Variants in FGF12 observed in about 807,000 individuals in gnomAD.
FGF12 encodes the protein fibroblast growth factor 12B.
Under a neutral mutation model 23.6 loss-of-function variants are expected in FGF12, and 14 were observed. The observed-to-expected ratio is 0.59, with a 90% CI of 0.39 to 0.93. The LOEUF (loss-of-function observed/expected upper bound fraction) is 0.93, where lower values mean the gene tolerates loss of function less well. Ranked by LOEUF, FGF12 falls within the 40% of genes least tolerant of loss-of-function variation. The pLI is 0.00. For synonymous variants in FGF12, 62 were observed against 77.3 expected (o/e 0.80, Z 1.04); for missense variants, 175 against 217.8 (o/e 0.80, Z 1.24).
chr3:192,242,013 C>T (rs1719639857), intron 4 of FGF12, among the ~76,000 whole-genome samples: 1 of 151,986 alleles, frequency 6.6e-6, no homozygotes, highest in East Asian at 1.9e-4. Context: ...ACAGCTGAGG[C>T]AGTGTTCAGA....
chr3:192,660,612 T>C (rs1716628973), intron 2 of FGF12, among the ~76,000 whole-genome samples: 1 of 152,092 alleles, frequency 6.6e-6, no homozygotes, highest in South Asian at 2.1e-4. Flanking sequence ...TACTCTGTTT[T>C]TGGAAAAGTA....
intron 2 of FGF12, among the ~76,000 whole-genome samples, chr3:192,683,244 T>C (rs1237948063): frequency 6.6e-6 from 1 of 152,200 alleles, no homozygotes; most frequent in Non-Finnish European, 1.5e-5. Flanking sequence ...TTGTTGGGGA[T>C]TGCGTCCTTA....
intron 2 of FGF12, among the ~76,000 whole-genome samples, chr3:192,711,411 G>T (rs936747267): frequency 6.6e-6 from 1 of 152,090 alleles, no homozygotes; most frequent in African/African-American, 2.4e-5. Context: ...GAAGTGAGGA[G>T]CCCCTCTGCC....
rs78503416 is a variant in FGF12, at chr3:192,302,114, A to G, written c.228+33247T>C. Among the ~76,000 whole-genome samples, 1,484 of 152,266 alleles carry G rather than the reference A, an allele frequency of 9.7e-3. 14 individuals carry two copies. Among genetic ancestry groups the G allele is most frequent in the African/African-American group, 0.034 (1,417 of 41,552 alleles). On this transcript the variant is annotated intron_variant, in intron 4 of 5. Coordinates refer to ENST00000445105, the MANE Select transcript of FGF12 (RefSeq NM_004113.6). ...ACTTGCTTTGCAGAACAATCAAGTGACAGGGAGAAAAAAATCTAACAGAAC... is the reference window on the plus strand; with the variant it reads ...ACTTGCTTTGCAGAACAATCAAGTGGCAGGGAGAAAAAAATCTAACAGAAC...
At position 192,408,270 on chromosome 3, in the gene FGF12, G is replaced by C. The variant is rs747899772; in HGVS notation, c.14-47732C>G. 1 of 1,518,486 alleles carries C rather than the reference G, an allele frequency of 6.6e-7. No individual in the cohort carries two copies. The highest frequency in any genetic ancestry group is 8.8e-7 in the Non-Finnish European group (1 of 1,138,508). 94.1% of individuals were successfully genotyped at this position (1,518,486 alleles called of 1,614,324 possible). On this transcript the variant is annotated intron_variant, in intron 2 of 5. Coordinates refer to ENST00000445105, the MANE Select transcript of FGF12 (RefSeq NM_004113.6). The surrounding 1 kb of genome is among the most constrained non-coding windows in gnomAD (Gnocchi z 7.3). ...GGCCCCAGCCTCTACTGCGCCCTCC[G>C]GCTTGCGCTCCGCCGGGGCGAGGGC...
chr3:192,652,276 C>A (rs953603), intron 2 of FGF12, among the ~76,000 whole-genome samples: 81,819 of 151,960 alleles, frequency 0.54, 22,449 homozygotes, highest in East Asian at 0.67. Flanking sequence ...TTTAGCTAGG[C>A]CTTGAAGAGG....
intron 5 of FGF12, among the ~76,000 whole-genome samples, chr3:192,155,331 A>G (rs1714342905): frequency 6.6e-6 from 1 of 152,202 alleles, no homozygotes; most frequent in Admixed American, 6.5e-5. Flanking sequence ...GCCGTCTTTC[A>G]GCATTTGAAA....
chr3:192,245,148 T>C (rs1719822274), intron 4 of FGF12, among the ~76,000 whole-genome samples: 1 of 152,186 alleles, frequency 6.6e-6, no homozygotes. Flanking sequence ...CAGGCTGGAG[T>C]GCAGTGGCAT....
At chr3:192,407,907 A>C (rs1721029619) in intron 2 of FGF12, 1 of 1,092,532 alleles carries the variant, frequency 9.2e-7, no homozygotes, top group Admixed American at 2.4e-5. Context: ...ATGAGAGAAG[A>C]GGGGTCAGAA....
intron 2 of FGF12, among the ~76,000 whole-genome samples, chr3:192,389,418 C>A (rs1262207934): frequency 2.0e-5 from 3 of 152,212 alleles, no homozygotes; most frequent in African/African-American, 4.8e-5. Flanking sequence ...CAATCTAGAT[C>A]AAACACTTCC....
chr3:192,572,064 A>G (rs1712664894), intron 2 of FGF12, among the ~76,000 whole-genome samples: 3 of 152,174 alleles, frequency 2.0e-5, no homozygotes, highest in Admixed American at 2.0e-4. Flanking sequence ...ATAAATCAGA[A>G]TATTGAGGCT....
In FGF12 at chr3:192,310,187, T is replaced by C. The variant is rs146107910; in HGVS notation, c.228+25174A>G. Among the ~76,000 whole-genome samples, 479 of 152,280 alleles carry C rather than the reference T, an allele frequency of 3.1e-3. 2 individuals are homozygous for C. The highest frequency in any genetic ancestry group is 3.7e-3 in the Non-Finnish European group (253 of 68,014). ...GGATTAACAGTCACACTTCACAAAA[T>C]AGACTTCTATGACTTTAGATGTGCT... On this transcript the variant is annotated intron_variant, in intron 4 of 5. Transcript: ENST00000445105.
At chr3:192,473,302 C>CCTTGTGCTTT (rs1723225495) in intron 2 of FGF12, among the ~76,000 whole-genome samples, 1 of 152,180 alleles carries the variant, frequency 6.6e-6, no homozygotes, top group Non-Finnish European at 1.5e-5. Context: ...CTTGTGCTTT[C>CCTTGTGCTTT]ACTAATTTAT....
At chr3:192,649,922 T>A (rs1716153308) in intron 2 of FGF12, among the ~76,000 whole-genome samples, 1 of 152,232 alleles carries the variant, frequency 6.6e-6, no homozygotes, top group Non-Finnish European at 1.5e-5. Flanking sequence ...AGCTTAAGTT[T>A]ATTCTGTGGT....
rs1249980890 is a variant in FGF12 at position 192,143,132 on chromosome 3, A to G, written c.*877T>C. The G allele has an allele frequency of 3.3e-5, 5 of 152,070 alleles. No individual in the cohort carries two copies. The highest frequency in any genetic ancestry group is 1.2e-4 in the African/African-American group (5 of 41,490). 9.4% of individuals were successfully genotyped at this position (152,070 alleles called of 1,614,324 possible). A position where few individuals can be genotyped will look rare whatever the true frequency, so the allele number is the denominator to read the frequency against. On this transcript the variant is annotated 3_prime_UTR_variant, in exon 6 of 6. Transcript: ENST00000445105. Reference sequence around the variant, plus strand: ...AAGCAAAAAAATCAGACCAAATGCTAAGAGCAAGTAACTTATACCTCACCA... The same window carrying G: ...AAGCAAAAAAATCAGACCAAATGCTGAGAGCAAGTAACTTATACCTCACCA...
intron 2 of FGF12, among the ~76,000 whole-genome samples, chr3:192,373,062 C>T (rs35949871): frequency 0.12 from 18,986 of 151,948 alleles, 1,252 homozygotes; most frequent in East Asian, 0.22. Flanking sequence ...CTAAATCTGC[C>T]GCCACGTTTG....
intron 4 of FGF12, among the ~76,000 whole-genome samples, chr3:192,217,999 G>A (rs2108569622): frequency 6.6e-6 from 1 of 152,118 alleles, no homozygotes; most frequent in East Asian, 1.9e-4. Context: ...ACCATGCCCA[G>A]CTAAGTTTTG....
Position 192,179,557 on chromosome 3 carries a change from T to TA in FGF12, c.229-8902_229-8901insT, listed in dbSNP as rs1470178930. On this transcript the variant is annotated intron_variant, in intron 4 of 5. Coordinates refer to ENST00000445105, the MANE Select transcript of FGF12 (RefSeq NM_004113.6). ...TCATCACTGTAAGGTTGATTTTTTTTTTTTTTTTGAGACAGTCTTGCTCTG... is the reference window on the plus strand; with the variant it reads ...TCATCACTGTAAGGTTGATTTTTTTTATTTTTTTTGAGACAGTCTTGCTCTG... Among the ~76,000 whole-genome samples, 482 of 152,004 alleles carry TA rather than the reference T, an allele frequency of 3.2e-3. 8 individuals carry two copies. The highest frequency in any genetic ancestry group is 0.011 in the African/African-American group (465 of 41,400).
At chr3:192,585,969 G>A (rs1163309102) in intron 2 of FGF12, among the ~76,000 whole-genome samples, 1 of 152,104 alleles carries the variant, frequency 6.6e-6, no homozygotes, top group African/African-American at 2.4e-5. Context: ...AGAAAATATT[G>A]TATTGAAAAA....
Sources: gnomAD v4.1 joint callset for allele counts (sites outside exome capture counted in the v4.1 genomes callset) on GRCh38, gnomAD v4.1.1 for gene constraint, Gnocchi (gnomAD v3.1) non-coding constraint, MANE v1.5 for transcripts, NCBI Gene and HGNC (gene_info 2026-07-23, HGNC 2026-07-21) for gene names.